The following SHC4 variants were observed in gnomAD, a reference collection of about 807,000 sequenced individuals.
SHC4 encodes SHC-transforming protein 4.
SHC4 carries 41 observed loss-of-function variants against 69.4 expected under a neutral mutation model. That is an observed-to-expected ratio of 0.59 (90% CI 0.46 to 0.77). The LOEUF is 0.77. Ranked by LOEUF, SHC4 falls within the 30% of genes least tolerant of loss-of-function variation. The pLI is 0.00. For synonymous variants in SHC4, 318 were observed against 299.3 expected (o/e 1.06, Z -0.64); for missense variants, 777 against 783.8 (o/e 0.99, Z 0.10).
chr15:48,947,659 A>G (rs1901299818), intron 1 of SHC4, among the ~76,000 whole-genome samples: 2 of 152,128 alleles, frequency 1.3e-5, no homozygotes, highest in Non-Finnish European at 2.9e-5. Flanking sequence ...AAATATATCC[A>G]CTTTGTGGAT....
chr15:48,949,687 C>G (rs1901333842), intron 1 of SHC4, among the ~76,000 whole-genome samples: 1 of 151,646 alleles, frequency 6.6e-6, no homozygotes, highest in Non-Finnish European at 1.5e-5. Context: ...TTTACTCTGG[C>G]CCAACTAAAA....
At chr15:48,946,678 G>T in intron 1 of SHC4, 1 of 776,966 alleles carries the variant, frequency 1.3e-6, no homozygotes, top group Non-Finnish European at 1.6e-6. Flanking sequence ...TATCTTTCTT[G>T]CTCTCTGGGC....
chr15:48,852,939 T>TAAATAAATA (rs1899244069), intron 8 of SHC4, among the ~76,000 whole-genome samples: 1 of 146,252 alleles, frequency 6.8e-6, no homozygotes, highest in Non-Finnish European at 1.5e-5. Context: ...AATAAATAAA[T>TAAATAAATA]AAATAAAATA....
At chr15:48,923,635 CTTT>C (rs59906872) in intron 2 of SHC4, among the ~76,000 whole-genome samples, 1 of 92,504 alleles carries the variant, frequency 1.1e-5, no homozygotes, top group Non-Finnish European at 2.0e-5. Flanking sequence ...ACTACTCAGT[CTTT>C]TTTTTTTTTT....
At chr15:48,904,940 AACAC>A (rs71650107) in intron 2 of SHC4, among the ~76,000 whole-genome samples, 9,665 of 144,686 alleles carry the variant, frequency 0.067, 524 homozygotes, top group East Asian at 0.22. Flanking sequence ...ACACAGACAC[AACAC>A]ACACACACAC....
chr15:48,860,727 A>G (rs978947778), intron 6 of SHC4, among the ~76,000 whole-genome samples: 1 of 152,204 alleles, frequency 6.6e-6, no homozygotes. Context: ...ATGAGAGAAT[A>G]GGATGTTTAA....
intron 4 of SHC4, chr15:48,877,347 TA>T (rs2140997698): frequency 1.4e-6 from 1 of 713,776 alleles, no homozygotes; most frequent in Admixed American, 6.2e-5. Flanking sequence ...AATGTAATAA[TA>T]ATAGAAATAA....
intron 7 of SHC4, among the ~76,000 whole-genome samples, chr15:48,856,330 A>G (rs1899315821): frequency 6.6e-6 from 1 of 152,230 alleles, no homozygotes; most frequent in Non-Finnish European, 1.5e-5. Flanking sequence ...AAACGGGGTA[A>G]GCCAATAGAA....
chr15:48,962,313 A>T, intron 1 of SHC4, 118 bp downstream of exon 1: 1 of 1,069,884 alleles, frequency 9.3e-7, no homozygotes, highest in Non-Finnish European at 1.3e-6. Context: ...GGTCCAGTTG[A>T]ATCATGTCCT....
chr15:48,913,070 G>A (rs929048517), intron 2 of SHC4, among the ~76,000 whole-genome samples: 3 of 151,630 alleles, frequency 2.0e-5, no homozygotes, highest in East Asian at 1.9e-4. Context: ...GGGCTGGTTG[G>A]CCTCCTGCCA....
At chr15:48,841,669 TGTA>T (rs1898990834) in intron 10 of SHC4, among the ~76,000 whole-genome samples, 1 of 152,192 alleles carries the variant, frequency 6.6e-6, no homozygotes, top group African/African-American at 2.4e-5. Context: ...AGGCCTGTGT[TGTA>T]GTCCCATCTC....
chr15:48,859,803 G>A (rs1046247920), intron 6 of SHC4, among the ~76,000 whole-genome samples: 1 of 152,182 alleles, frequency 6.6e-6, no homozygotes, highest in African/African-American at 2.4e-5. Context: ...CTCCTTGCTA[G>A]TCAGGCCTCA....
At chr15:48,877,479 GT>G (rs1899829799) in intron 4 of SHC4, 3 of 984,108 alleles carry the variant, frequency 3.0e-6, no homozygotes, top group Non-Finnish European at 3.6e-6. Flanking sequence ...GGTAAAACAT[GT>G]TTTTAAAAAA....
rs1280828764 is a variant in SHC4, at chr15:48,963,572, C to G, written c.-557G>C. On this transcript the variant is annotated 5_prime_UTR_variant, in exon 1 of 12. Transcript: ENST00000332408. ...AGGAAAAAAAAATGTATCTATGAAC[C>G]AAAGGCCCTTTTGCCTGGGTTCGTT... The G allele has an allele frequency of 6.5e-6, 1 of 152,680 alleles. No individual in the cohort carries two copies. The highest frequency in any genetic ancestry group is 2.4e-5 in the African/African-American group (1 of 41,424). The allele number at this position is 152,680 out of a possible 1,614,324, so 9.5% of individuals were successfully genotyped here.
chr15:48,873,503 G>A (rs1427194422), intron 4 of SHC4, among the ~76,000 whole-genome samples: 2 of 152,202 alleles, frequency 1.3e-5, no homozygotes. Context: ...CCAACCCTTT[G>A]GGAGGCCGTG....
intron 1 of SHC4, among the ~76,000 whole-genome samples, chr15:48,927,263 G>T (rs947713881): frequency 3.3e-5 from 5 of 152,284 alleles, no homozygotes; most frequent in South Asian, 4.1e-4. Flanking sequence ...CCAGAGCCTA[G>T]GTCTTGCGTC....
At chr15:48,873,730 G>GA (rs1355259080) in intron 4 of SHC4, among the ~76,000 whole-genome samples, 9 of 151,380 alleles carry the variant, frequency 5.9e-5, no homozygotes, top group African/African-American at 2.2e-4. Flanking sequence ...TACAGAGCGA[G>GA]ACTCCGTCTC....
intron 11 of SHC4, among the ~76,000 whole-genome samples, chr15:48,831,746 G>C (rs1257147189): frequency 6.6e-6 from 1 of 152,088 alleles, no homozygotes; most frequent in Non-Finnish European, 1.5e-5. Flanking sequence ...TCTATAACCA[G>C]AATTAAAAGT....
intron 2 of SHC4, among the ~76,000 whole-genome samples, chr15:48,914,362 C>T (rs1900577074): frequency 6.6e-6 from 1 of 152,224 alleles, no homozygotes; most frequent in Admixed American, 6.5e-5. Flanking sequence ...TGGCCACTTA[C>T]CTCTCTGAGC....
Sources: gnomAD v4.1 joint callset for allele counts (sites outside exome capture counted in the v4.1 genomes callset) on GRCh38, gnomAD v4.1.1 for gene constraint, MANE v1.5 for transcripts, NCBI Gene and HGNC (gene_info 2026-07-23, HGNC 2026-07-21) for gene names.